SPSB4: variants seen among roughly 807,000 people sequenced by gnomAD.
The protein encoded by SPSB4 is SPRY domain-containing SOCS box protein 4.
Under a neutral mutation model 20.9 loss-of-function variants are expected in SPSB4, and 21 were observed. The observed-to-expected ratio is 1.01, with a 90% CI of 0.71 to 1.45. The LOEUF (loss-of-function observed/expected upper bound fraction) is 1.45. Among genes scored for constraint, SPSB4 ranks in the 40% most tolerant of loss-of-function variants. The probability of loss-of-function intolerance (pLI) is 0.00; values close to 1 mark genes in which losing one functional copy is unlikely to be tolerated. For missense variants in SPSB4, 399 were observed against 399.2 expected, an observed-to-expected ratio of 1.00 and a Z score of 0.00; for synonymous variants, 207 against 183.8, an observed-to-expected ratio of 1.13 and a Z score of -1.02.
At chr3:141,098,163 T>G (rs1425179001) in intron 2 of SPSB4, among the ~76,000 whole-genome samples, 2 of 152,180 alleles carry the variant, frequency 1.3e-5, no homozygotes, top group Non-Finnish European at 2.9e-5. Flanking sequence ...TACCAAGTGG[T>G]TTTAATTACT....
intron 2 of SPSB4, among the ~76,000 whole-genome samples, chr3:141,107,792 T>A (rs1938722662): frequency 6.6e-6 from 1 of 151,744 alleles, no homozygotes; most frequent in South Asian, 2.1e-4. Flanking sequence ...TTTTCTCTAC[T>A]AAAAGTACAA....
chr3:141,137,755 T>C lies in SPSB4; in HGVS notation c.695-9387T>C, dbSNP rs147046321. Among the ~76,000 whole-genome samples the C allele has an allele frequency of 9.5e-3, 1,452 of 152,334 alleles. 26 individuals carry two copies. Among genetic ancestry groups the C allele is most frequent in the African/African-American group, 0.034 (1,393 of 41,572 alleles). ...GGTTTGCCAGTGTTTTACTGAGGATTTTTGCATCAATGTTCATCAAGGATA... is the reference window on the plus strand; with the variant it reads ...GGTTTGCCAGTGTTTTACTGAGGATCTTTGCATCAATGTTCATCAAGGATA... On this transcript the variant is annotated intron_variant, in intron 2 of 2. Transcript: ENST00000310546.
At chr3:141,087,774 G>A (rs953997416) in intron 2 of SPSB4, among the ~76,000 whole-genome samples, 4 of 152,204 alleles carry the variant, frequency 2.6e-5, no homozygotes, top group Non-Finnish European at 5.9e-5. Context: ...GGGCAGAGGA[G>A]GAATGGGAGG....
chr3:141,087,359 G>A (rs965790243), intron 2 of SPSB4, among the ~76,000 whole-genome samples: 1 of 152,192 alleles, frequency 6.6e-6, no homozygotes, highest in African/African-American at 2.4e-5. Context: ...GGTGTTAGGA[G>A]GATTCTCCTT....
At chr3:141,070,868 C>T (rs972351732) in intron 2 of SPSB4, among the ~76,000 whole-genome samples, 3 of 152,206 alleles carry the variant, frequency 2.0e-5, no homozygotes, top group African/African-American at 4.8e-5. Flanking sequence ...CTTGTGGAGA[C>T]GTTTACCCTC....
chr3:141,091,510 C>T (rs1428453666), intron 2 of SPSB4, among the ~76,000 whole-genome samples: 1 of 152,222 alleles, frequency 6.6e-6, no homozygotes, highest in Non-Finnish European at 1.5e-5. Context: ...ACCGTCAAAA[C>T]TGTCCTGAGC....
intron 2 of SPSB4, among the ~76,000 whole-genome samples, chr3:141,120,503 C>G (rs1938950279): frequency 6.6e-6 from 1 of 151,994 alleles, no homozygotes; most frequent in Non-Finnish European, 1.5e-5. Context: ...CTAATATTGA[C>G]AGTGGGGTGT....
At chr3:141,087,842 C>A (rs1021885222) in intron 2 of SPSB4, among the ~76,000 whole-genome samples, 33 of 152,260 alleles carry the variant, frequency 2.2e-4, no homozygotes, top group African/African-American at 7.5e-4. Context: ...TGCGTTCTGG[C>A]CTTGTCTGTG....
chr3:141,081,799 G>T (rs1938235494), intron 2 of SPSB4, among the ~76,000 whole-genome samples: 1 of 152,200 alleles, frequency 6.6e-6, no homozygotes, highest in African/African-American at 2.4e-5. Context: ...TTATGGAGAT[G>T]AAATAAAGCA....
At chr3:141,079,737 A>G (rs981451407) in intron 2 of SPSB4, among the ~76,000 whole-genome samples, 1 of 152,260 alleles carries the variant, frequency 6.6e-6, no homozygotes, top group Non-Finnish European at 1.5e-5. Flanking sequence ...AAATCCAGAT[A>G]TAGAACAAAG....
At chr3:141,083,725 T>C (rs1324363756) in intron 2 of SPSB4, among the ~76,000 whole-genome samples, 1 of 152,200 alleles carries the variant, frequency 6.6e-6, no homozygotes, top group Non-Finnish European at 1.5e-5. Flanking sequence ...TCCTCTTTAA[T>C]GACCTTAGTC....
chr3:141,091,778 C>T (rs1355575021), intron 2 of SPSB4, among the ~76,000 whole-genome samples: 2 of 152,222 alleles, frequency 1.3e-5, no homozygotes, highest in Non-Finnish European at 2.9e-5. Flanking sequence ...TGGCACTGCC[C>T]ACTACAGGTG....
chr3:141,128,171 T>TG (rs1939078176), intron 2 of SPSB4, among the ~76,000 whole-genome samples: 1 of 152,104 alleles, frequency 6.6e-6, no homozygotes, highest in Non-Finnish European at 1.5e-5. Context: ...GGTCAGAGAC[T>TG]GGGGTGCAGA....
chr3:141,070,089 A>G (rs1193696638), intron 2 of SPSB4, among the ~76,000 whole-genome samples: 1 of 152,140 alleles, frequency 6.6e-6, no homozygotes, highest in Non-Finnish European at 1.5e-5. Context: ...AGCATCTCAA[A>G]GCTAACTACA....
At chr3:141,073,557 T>C (rs1482023784) in intron 2 of SPSB4, among the ~76,000 whole-genome samples, 1 of 152,228 alleles carries the variant, frequency 6.6e-6, no homozygotes, top group Non-Finnish European at 1.5e-5. Flanking sequence ...TTTCTGTTAT[T>C]GCTGCTGCTG....
At chr3:141,109,931 C>T (rs1313108409) in intron 2 of SPSB4, among the ~76,000 whole-genome samples, 1 of 152,216 alleles carries the variant, frequency 6.6e-6, no homozygotes, top group Non-Finnish European at 1.5e-5. Flanking sequence ...TCTTAACTCA[C>T]GTCCTGTGGC....
At chr3:141,116,567 A>G (rs1400302992) in intron 2 of SPSB4, among the ~76,000 whole-genome samples, 1 of 152,176 alleles carries the variant, frequency 6.6e-6, no homozygotes, top group South Asian at 2.1e-4. Context: ...TTCCAATCCC[A>G]TACTCACCAC....
At chr3:141,131,267 A>C (rs778754998) in intron 2 of SPSB4, among the ~76,000 whole-genome samples, 1 of 151,904 alleles carries the variant, frequency 6.6e-6, no homozygotes. Context: ...CCTTCCCCCT[A>C]CTTTTTCCCA....
intron 2 of SPSB4, among the ~76,000 whole-genome samples, chr3:141,089,311 G>A (rs1269371449): frequency 6.6e-6 from 1 of 152,208 alleles, no homozygotes; most frequent in Non-Finnish European, 1.5e-5. Flanking sequence ...GGCCAAAACG[G>A]TTCCAGCCCA....
Sources: gnomAD v4.1 joint callset for allele counts (sites outside exome capture counted in the v4.1 genomes callset) on GRCh38, gnomAD v4.1.1 for gene constraint, MANE v1.5 for transcripts, NCBI Gene and HGNC (gene_info 2026-07-23, HGNC 2026-07-21) for gene names.